Variants in HHATL observed in about 807,000 individuals in gnomAD.
HHATL encodes the protein protein-cysteine N-palmitoyltransferase HHAT-like protein.
Under a neutral mutation model 59.7 loss-of-function variants are expected in HHATL, and 49 were observed. The observed-to-expected ratio is 0.82, with a 90% confidence interval of 0.65 to 1.04. HHATL has a LOEUF of 1.04. HHATL is among the 50% of genes least tolerant of loss of function. The pLI, the probability that HHATL is intolerant of heterozygous loss-of-function variation, is 0.00. For missense variants in HHATL, 605 were observed against 650.8 expected (o/e 0.93, Z 0.77); for synonymous variants, 238 against 257.3 (o/e 0.93, Z 0.72).
In HHATL at chr3:42,698,873, C is replaced by T; in HGVS notation, c.318G>A (p.Gly106=). ...KLRSWMYAVY[G]ALAVMGTMGP... The stretch of plus-strand genomic sequence containing the variant: ...CCATTGTGCCCATCACAGCCAAGGC[C>T]CCGTACACAGCATACATCCAGGAGC... Residue 106 remains glycine (G), a synonymous_variant, in exon 5 of 12, where the codon GGG becomes GGA. Transcript: ENST00000441594. The T allele has an allele frequency of 6.2e-7, 1 of 1,610,860 alleles. No individual in the cohort carries two copies. The highest frequency in any genetic ancestry group is 8.5e-7 in the Non-Finnish European group (1 of 1,178,456).
At chr3:42,694,434 C>A (rs1697510661) in intron 9 of HHATL, among the ~76,000 whole-genome samples, 1 of 152,226 alleles carries the variant, frequency 6.6e-6, no homozygotes, top group South Asian at 2.1e-4. Flanking sequence ...CTTGTTTCTG[C>A]TTTTGCCCCC....
intron 9 of HHATL, among the ~76,000 whole-genome samples, chr3:42,695,490 C>T (rs1319969751): frequency 1.3e-5 from 2 of 152,184 alleles, no homozygotes; most frequent in Non-Finnish European, 2.9e-5. Context: ...CCTCCAATAC[C>T]ACCTGGGTAC....
At chr3:42,696,959 G>A (rs779633262) in intron 8 of HHATL, 42 bp downstream of exon 8, 2 of 1,613,394 alleles carry the variant, frequency 1.2e-6, no homozygotes, top group Non-Finnish European at 1.7e-6. Context: ...GGGAAGGTGT[G>A]GTCCCAGGGG....
At position 42,696,884 on chromosome 3, in the gene HHATL, G is replaced by A. The variant is rs1383112662; in HGVS notation, c.1011-7C>T. 6.2e-7 allele frequency: 1 copy of A among 1,614,188 alleles called. No homozygotes were observed. Among genetic ancestry groups the A allele is most frequent in the Non-Finnish European group, 8.5e-7 (1 of 1,180,014 alleles). On this transcript the variant is annotated splice_polypyrimidine_tract_variant and splice_region_variant and intron_variant, in intron 8 of 11. Transcript: ENST00000441594. The stretch of plus-strand genomic sequence containing the variant: ...GATGCCACGGTCAAAGTGCCTGTAA[G>A]AGGAAAGCAGATGGGCATGTTGCCA...
chr3:42,698,681 A>G (rs1559623925), intron 5 of HHATL, 27 bp downstream of exon 5: 2 of 1,527,354 alleles, frequency 1.3e-6, no homozygotes, highest in South Asian at 1.3e-5. Context: ...TTATCCCTAC[A>G]CCCTCTACCC....
At chr3:42,700,904 C>T in intron 1 of HHATL, 65 bp from the exon 2 acceptor site, 2 of 1,114,862 alleles carry the variant, frequency 1.8e-6, no homozygotes, top group Non-Finnish European at 2.7e-6. Context: ...CCTCATGGTC[C>T]CACCACCCCA....
At chr3:42,702,244 C>T (rs552136770) in intron 1 of HHATL, among the ~76,000 whole-genome samples, 3 of 152,324 alleles carry the variant, frequency 2.0e-5, no homozygotes, top group South Asian at 2.1e-4. Context: ...GGAGCAGGAG[C>T]TTGAAACCGG....
chr3:42,698,214 C>T lies in HHATL; in HGVS notation c.621G>A (p.Leu207=). 1 of 1,614,192 alleles carries T rather than the reference C, an allele frequency of 6.2e-7. No homozygotes were observed. Among genetic ancestry groups the T allele is most frequent in the Non-Finnish European group, 8.5e-7 (1 of 1,180,020 alleles). The change falls in exon 6 of 12, where the codon CTG becomes CTA. Residue 207 remains leucine, a synonymous_variant. Coordinates refer to ENST00000441594, the MANE Select transcript of HHATL (RefSeq NM_020707.4). ...AGGGCAGGTAGAAGTTGTACTTGAG[C>T]AGGTCAGCTAAGGAGTAGTGGCGGT... ...HPDRHYSLAD[L]LKYNFYLPFF...
rs547788681 is a variant in HHATL, at chr3:42,695,001, GTGCCTAGAACAA to G, written c.1047-1195_1047-1184del. Reference sequence around the variant, plus strand: ...TGCCATGTTCACTGCTGTATCCCCAGTGCCTAGAACAATGCCTGGCACATAGGTGCTCAATAA... The same window carrying G: ...TGCCATGTTCACTGCTGTATCCCCAGTGCCTGGCACATAGGTGCTCAATAA... On this transcript the variant is annotated intron_variant, in intron 9 of 11. Transcript: ENST00000441594. Among the ~76,000 whole-genome samples the G allele has an allele frequency of 8.5e-3, 1,289 of 152,232 alleles. 14 individuals carry two copies. The highest frequency in any genetic ancestry group is 0.029 in the African/African-American group (1,220 of 41,524).
chr3:42,696,964 C>T, intron 8 of HHATL, 37 bp downstream of exon 8: 1 of 1,613,188 alleles, frequency 6.2e-7, no homozygotes, highest in Middle Eastern at 1.7e-4. Flanking sequence ...GGTGTGGTCC[C>T]AGGGGGTGAG....
intron 5 of HHATL, 126 bp downstream of exon 5, chr3:42,698,582 C>T (rs1575240165): frequency 8.1e-7 from 1 of 1,228,408 alleles, no homozygotes. Context: ...AGGACATACC[C>T]AAAGGCTTGA....
rs753737823 is a variant in HHATL at position 42,697,103 on chromosome 3, G to A, written c.908C>T (p.Ala303Val). 8.3e-6 allele frequency: 13 copies of A among 1,558,908 alleles called. No individual in the cohort carries two copies. The highest frequency in any genetic ancestry group is 2.7e-5 in the African/African-American group (2 of 73,588). ...GTTGACAACACCAAAGAGGACGGCC[G>A]CCTTCACCCAGTCATACACCAGGTT... ...YSNLVYDWVK[A>V]AVLFGVVNTV... Residue 303 changes from alanine to valine, a missense_variant, in exon 8 of 12, where the codon GCG becomes GTG. Ala to Val is a moderately conservative substitution (Grantham distance 64). Coordinates refer to ENST00000441594, the MANE Select transcript of HHATL (RefSeq NM_020707.4).
At chr3:42,693,497 A>G in intron 10 of HHATL, 120 bp downstream of exon 10, 1 of 890,330 alleles carries the variant, frequency 1.1e-6, no homozygotes, top group South Asian at 1.6e-5. Context: ...GACAACTAAG[A>G]GGGTGGTGGT....
rs1027777867 is a variant in HHATL, at chr3:42,701,847, T to C, written c.-14+732A>G. Reference sequence around the variant, plus strand: ...AGCAGGGAACATGTCCAGGCAACTCTTGGGCTGACGGGGCCAAGAGGTGGC... The same window carrying C: ...AGCAGGGAACATGTCCAGGCAACTCCTGGGCTGACGGGGCCAAGAGGTGGC... On this transcript the variant is annotated intron_variant, in intron 1 of 11. Transcript: ENST00000441594. This position sits in a 1 kb window ranked among gnomAD's most constrained non-coding sequence, Gnocchi z 5.1. Among the ~76,000 whole-genome samples, 12 of 152,192 alleles carry C rather than the reference T, an allele frequency of 7.9e-5. No homozygotes were observed. The highest frequency in any genetic ancestry group is 1.3e-4 in the Non-Finnish European group (9 of 68,032).
Position 42,697,067 on chromosome 3 carries a change from C to A in HHATL, c.944G>T (p.Cys315Phe). 8 of 1,588,226 alleles carry A rather than the reference C, an allele frequency of 5.0e-6. No homozygotes were observed. Among genetic ancestry groups the A allele is most frequent in the Non-Finnish European group, 6.9e-6 (8 of 1,166,322 alleles). ...CTGGGGTGGGTCCAGGTGGTCGAGG[C>A]ATGCCACAGTGTTGACAACACCAAA... ...VLFGVVNTVA[C>F]LDHLDPPQPP... is the part of the protein sequence containing the mutation. Residue 315 changes from cysteine (C) to phenylalanine (F), a missense_variant, in exon 8 of 12, where the codon TGC becomes TTC. Cys to Phe is a radical substitution (Grantham distance 205). Coordinates refer to ENST00000441594, the MANE Select transcript of HHATL (RefSeq NM_020707.4).
Position 42,701,135 on chromosome 3 carries a change from C to T in HHATL, c.-13-296G>A. On this transcript the variant is annotated intron_variant, in intron 1 of 11. Coordinates refer to ENST00000441594, the MANE Select transcript of HHATL (RefSeq NM_020707.4). The surrounding 1 kb of genome is among the most constrained non-coding windows in gnomAD (Gnocchi z 5.1). ...ACCTTCATTTACATCTTCATACCTT[C>T]CAGAGGCACCGGCCCCACCCTCTGC... 1 of 368,662 alleles carries T rather than the reference C, an allele frequency of 2.7e-6. No homozygotes were observed. The highest frequency in any genetic ancestry group is 4.6e-5 in the East Asian group (1 of 21,618). 22.8% of individuals were successfully genotyped at this position (368,662 alleles called of 1,614,324 possible).
chr3:42,696,972 G>A lies in HHATL; in HGVS notation c.1010+29C>T, dbSNP rs748106951. 42 of 1,612,710 alleles carry A rather than the reference G, an allele frequency of 2.6e-5. No individual in the cohort carries two copies. The South Asian group carries it at 3.1e-4, about 12-fold the overall frequency. On this transcript the variant is annotated intron_variant, in intron 8 of 11. Transcript: ENST00000441594. ...AGGGGAAGGTGTGGTCCCAGGGGGTGAGCCTCCCCCGTCCTGGCCAGCACT... is the reference window on the plus strand; with the variant it reads ...AGGGGAAGGTGTGGTCCCAGGGGGTAAGCCTCCCCCGTCCTGGCCAGCACT...
At chr3:42,697,290 CTGG>C (rs1287960965) in intron 7 of HHATL, 145 bp from the exon 8 acceptor site, 10 of 1,171,690 alleles carry the variant, frequency 8.5e-6, no homozygotes, top group Non-Finnish European at 1.2e-5. Context: ...TCAGTCATGC[CTGG>C]TGAAGTGGGT....
intron 6 of HHATL, 38 bp downstream of exon 6, chr3:42,698,104 T>G (rs1406820168): frequency 1.3e-6 from 2 of 1,581,750 alleles, no homozygotes; most frequent in South Asian, 2.2e-5. Context: ...AAAGGGAGAT[T>G]CAGCCCTGTT....
Sources: allele counts gnomAD v4.1 joint callset (sites outside exome capture counted in the v4.1 genomes callset), GRCh38; gene constraint gnomAD v4.1.1; non-coding constraint Gnocchi (gnomAD v3.1); transcripts MANE v1.5; gene names NCBI Gene and HGNC (gene_info 2026-07-23, HGNC 2026-07-21).